Variants in XPOT observed in about 807,000 individuals in gnomAD.
The protein encoded by XPOT is exportin-T.
A neutral mutation model predicts 128.2 loss-of-function variants in XPOT; 34 were observed. That is an observed-to-expected ratio of 0.27 (90% confidence interval 0.20 to 0.35). The LOEUF (loss-of-function observed/expected upper bound fraction) is 0.35, where lower values mean the gene tolerates loss of function less well. XPOT is among the 10% of genes least tolerant of loss of function. The pLI is 1.00. For synonymous variants in XPOT, 348 were observed against 394.3 expected (o/e 0.88, Z 1.39); for missense variants, 838 against 1,125.3 (o/e 0.74, Z 3.65).
At chr12:64,411,594 C>T (rs1437829803) in intron 2 of XPOT, among the ~76,000 whole-genome samples, 3 of 152,104 alleles carry the variant, frequency 2.0e-5, no homozygotes, top group Non-Finnish European at 4.4e-5. Context: ...GCATCCAGGT[C>T]CAGGCATAAT....
chr12:64,431,683 C>T lies in XPOT; in HGVS notation c.2122C>T (p.Leu708Phe). 5 of 1,614,010 alleles carry T rather than the reference C, an allele frequency of 3.1e-6. No homozygotes were observed. The highest frequency in any genetic ancestry group is 4.2e-6 in the Non-Finnish European group (5 of 1,179,922). ...TCTCAGAAGTGGAGTCCGTACTTTC[C>T]TTCATCGAATGATTATTTGCCTGGA... is the stretch of plus-strand genomic sequence containing the variant. ...DILRSGVRTFLHRMIICLEEE... is the reference protein window; with the variant it reads ...DILRSGVRTFFHRMIICLEEE... The change falls in exon 18 of 25, where the codon CTT becomes TTT. Residue 708 changes from leucine (L) to phenylalanine (F), a missense_variant. Leu to Phe is a conservative substitution (Grantham distance 22). Coordinates refer to ENST00000332707, the MANE Select transcript of XPOT (RefSeq NM_007235.6).
At position 64,417,921 on chromosome 12, in the gene XPOT, G is replaced by T. The variant is rs1592327806; in HGVS notation, c.201-125G>T. ...ATGATGAGTGGCATTATCAGTTTAT[G>T]TTAGGGAACTTCAGATAATTGAGAG... On this transcript the variant is annotated intron_variant, in intron 4 of 24. Transcript: ENST00000332707. The T allele has an allele frequency of 1.9e-5, 12 of 622,586 alleles. No homozygotes were observed. The East Asian group carries it at 3.6e-4, about 19-fold the overall frequency. 38.6% of individuals were successfully genotyped at this position (622,586 alleles called of 1,614,324 possible). A position where few individuals can be genotyped will look rare whatever the true frequency, so the allele number is the denominator to read the frequency against.
At chr12:64,427,260 C>T (rs1481539047) in intron 15 of XPOT, among the ~76,000 whole-genome samples, 4 of 151,432 alleles carry the variant, frequency 2.6e-5, no homozygotes, top group African/African-American at 9.7e-5. Context: ...GCCAGGATTA[C>T]AGGTGTCCAT....
At chr12:64,422,937 C>T (rs1294747532) in intron 9 of XPOT, 68 bp from the exon 10 acceptor site, 34 of 1,395,388 alleles carry the variant, frequency 2.4e-5, no homozygotes, top group Middle Eastern at 2.6e-4. Context: ...TTAATTGATT[C>T]GAAAAATGTT....
At chr12:64,430,519 A>ATAT (rs369222674) in intron 17 of XPOT, among the ~76,000 whole-genome samples, 230 of 151,874 alleles carry the variant, frequency 1.5e-3, no homozygotes, top group African/African-American at 5.4e-3. Context: ...GACTTCTCTG[A>ATAT]TATAAATGGG....
chr12:64,426,472 T>C (rs752721324), intron 15 of XPOT, among the ~76,000 whole-genome samples: 4 of 152,014 alleles, frequency 2.6e-5, no homozygotes, highest in Admixed American at 1.3e-4. Flanking sequence ...TTCTCACTTA[T>C]AAGTGAGAGC....
At chr12:64,429,567 C>T (rs915980701) in intron 16 of XPOT, among the ~76,000 whole-genome samples, 7 of 151,866 alleles carry the variant, frequency 4.6e-5, no homozygotes, top group African/African-American at 1.5e-4. Flanking sequence ...CTCAGCCTCC[C>T]GCGTAGCTGG....
chr12:64,425,343 A>T lies in XPOT; in HGVS notation c.1458A>T (p.Val486=), dbSNP rs1464850848. 1.2e-6 allele frequency: 2 copies of T among 1,612,488 alleles called. No homozygotes were observed. Among genetic ancestry groups the T allele is most frequent in the South Asian group, 1.1e-5 (1 of 90,862 alleles). ...CTAACTTTTTCCTGATCTAGCTGGT[A>T]ACATCAGGAGTCAGTTCCTATCAGC... ...SALQDMMRTL[V]TSGVSSYQHT... is the part of the protein sequence containing the mutation. Residue 486 remains valine (V), a synonymous_variant, in exon 14 of 25, where the codon GTA becomes GTT. Coordinates refer to ENST00000332707, the MANE Select transcript of XPOT (RefSeq NM_007235.6).
intron 15 of XPOT, among the ~76,000 whole-genome samples, 168 bp downstream of exon 15, chr12:64,426,077 G>T (rs1231332927): frequency 2.0e-5 from 3 of 151,974 alleles, no homozygotes; most frequent in Non-Finnish European, 4.4e-5. Context: ...CAACACTCTG[G>T]GAGGCCGATC....
intron 24 of XPOT, among the ~76,000 whole-genome samples, chr12:64,447,752 G>T (rs1029080317): frequency 6.6e-6 from 1 of 152,072 alleles, no homozygotes; most frequent in African/African-American, 2.4e-5. Flanking sequence ...TACAGGCGCC[G>T]TGCCCGTCCT....
rs1232809741 is a variant in XPOT, at chr12:64,449,760, T to G, written c.*1629T>G. ...TTTTCAGAAATAGATAAGTGAAAGC[T>G]GAGTGTTTCTTTGATAGGTTCCCCT... is the stretch of plus-strand genomic sequence containing the variant. On this transcript the variant is annotated 3_prime_UTR_variant, in exon 25 of 25. Coordinates refer to ENST00000332707, the MANE Select transcript of XPOT (RefSeq NM_007235.6). 6.6e-6 allele frequency: 1 copy of G among 152,258 alleles called. No homozygotes were observed. The highest frequency in any genetic ancestry group is 2.4e-5 in the African/African-American group (1 of 41,474). The allele number at this position is 152,258 out of a possible 1,614,324, so 9.4% of individuals were successfully genotyped here. A position where few individuals can be genotyped will look rare whatever the true frequency, so the allele number is the denominator to read the frequency against.
intron 6 of XPOT, among the ~76,000 whole-genome samples, chr12:64,419,350 C>T (rs1359896978): frequency 6.6e-6 from 1 of 152,084 alleles, no homozygotes; most frequent in African/African-American, 2.4e-5. Context: ...CGGAGTCTTG[C>T]TCTGTTCCCC....
At chr12:64,407,698 G>T (rs983386142) in intron 1 of XPOT, among the ~76,000 whole-genome samples, 1 of 152,148 alleles carries the variant, frequency 6.6e-6, no homozygotes, top group Non-Finnish European at 1.5e-5. Context: ...AAGATGAAAG[G>T]TAGAATACCA....
intron 1 of XPOT, among the ~76,000 whole-genome samples, chr12:64,407,483 CAA>C (rs534365929): frequency 2.9e-4 from 30 of 104,280 alleles, no homozygotes; most frequent in Admixed American, 5.3e-4. Context: ...GAGACTGTCT[CAA>C]AAAAAAAAAA....
At chr12:64,419,949 T>C in intron 6 of XPOT, 121 bp from the exon 7 acceptor site, 2 of 793,996 alleles carry the variant, frequency 2.5e-6, no homozygotes, top group East Asian at 2.9e-5. Context: ...AGCTGGTAAA[T>C]AGGAAATACT....
At chr12:64,444,199 C>G (rs990108226) in intron 23 of XPOT, among the ~76,000 whole-genome samples, 1 of 152,132 alleles carries the variant, frequency 6.6e-6, no homozygotes, top group Admixed American at 6.5e-5. Context: ...ATCCCTCTTA[C>G]TAGATGTGAG....
rs2040128096 is a variant in XPOT, at chr12:64,420,465, C to G, written c.787C>G (p.Leu263Val). Reference protein sequence around the residue: ...KGMDPVDKMKLVESLCQVLQS... With the variant: ...KGMDPVDKMKVVESLCQVLQS... ...AATGGACCCTGTTGATAAAATGAAACTAGTGGAATCTTTGTGTCAAGTATT... is the reference window on the plus strand; with the variant it reads ...AATGGACCCTGTTGATAAAATGAAAGTAGTGGAATCTTTGTGTCAAGTATT... Residue 263 changes from leucine to valine, a missense_variant, in exon 8 of 25, where the codon CTA becomes GTA. Leu to Val is a conservative substitution (Grantham distance 32, BLOSUM62 1). Transcript: ENST00000332707. 1.2e-6 allele frequency: 2 copies of G among 1,613,714 alleles called. No individual in the cohort carries two copies. Among genetic ancestry groups the G allele is most frequent in the East Asian group, 4.5e-5 (2 of 44,828 alleles).
intron 23 of XPOT, among the ~76,000 whole-genome samples, chr12:64,441,169 A>G (rs2040321686): frequency 6.6e-6 from 1 of 152,180 alleles, no homozygotes; most frequent in East Asian, 1.9e-4. Context: ...CAGCACCATT[A>G]TTGGAGAGAT....
At chr12:64,443,788 G>T (rs915629605) in intron 23 of XPOT, among the ~76,000 whole-genome samples, 1 of 151,870 alleles carries the variant, frequency 6.6e-6, no homozygotes, top group African/African-American at 2.4e-5. Flanking sequence ...TTATAATGCT[G>T]TTTTTTTCAA....
Sources: allele counts gnomAD v4.1 joint callset (sites outside exome capture counted in the v4.1 genomes callset), GRCh38; gene constraint gnomAD v4.1.1; transcripts MANE v1.5; gene names NCBI Gene and HGNC (gene_info 2026-07-23, HGNC 2026-07-21).